MTCL3: variants seen among roughly 807,000 people sequenced by gnomAD.
MTCL3 encodes MTCL family member 3, also known as microtubule cross-linking factor 3.
chr6:127,479,047 G>A, the MTCL3 span, among the ~76,000 whole-genome samples: 3 of 151,534 alleles, frequency 2.0e-5, no homozygotes, highest in African/African-American at 7.3e-5. Flanking sequence ...AAAGAGAAAG[G>A]GGGAGACAGG....
At chr6:127,488,193 A>C in the MTCL3 span, among the ~76,000 whole-genome samples, 1 of 152,022 alleles carries the variant, frequency 6.6e-6, no homozygotes, top group Non-Finnish European at 1.5e-5. Flanking sequence ...ACATTCTTCC[A>C]TCATATACTC....
At chr6:127,506,704 C>A in the MTCL3 span, among the ~76,000 whole-genome samples, 4 of 152,232 alleles carry the variant, frequency 2.6e-5, no homozygotes, top group Non-Finnish European at 5.9e-5. Context: ...CCTCAGCCTC[C>A]CGAGTAGCTG....
the MTCL3 span, chr6:127,475,745 C>G: frequency 6.2e-7 from 1 of 1,600,538 alleles, no homozygotes; most frequent in Non-Finnish European, 8.5e-7. This position sits in a 1 kb window ranked among gnomAD's most constrained non-coding sequence, Gnocchi z 7.3. Flanking sequence ...TCGTCGCTCT[C>G]CTTCTTGCCC....
At chr6:127,496,382 A>T in the MTCL3 span, among the ~76,000 whole-genome samples, 104 of 152,274 alleles carry the variant, frequency 6.8e-4, no homozygotes, top group African/African-American at 2.1e-3. Flanking sequence ...CATTAACCAG[A>T]ATCTGAGAAA....
At chr6:127,483,220 C>T in the MTCL3 span, among the ~76,000 whole-genome samples, 1 of 152,120 alleles carries the variant, frequency 6.6e-6, no homozygotes, top group African/African-American at 2.4e-5. Context: ...TTGAGAAATA[C>T]AGGAAACCTA....
the MTCL3 span, among the ~76,000 whole-genome samples, chr6:127,504,413 C>T: frequency 6.6e-6 from 1 of 152,266 alleles, no homozygotes; most frequent in Admixed American, 6.5e-5. Context: ...ATATATGCTT[C>T]ATAAATAGTT....
chr6:127,475,346 C>G, the MTCL3 span: 3 of 1,613,086 alleles, frequency 1.9e-6, no homozygotes, highest in Non-Finnish European at 2.5e-6. The surrounding 1 kb of genome is among the most constrained non-coding windows in gnomAD (Gnocchi z 7.3). Context: ...GACTTGGGCA[C>G]CTCGAGGCGG....
chr6:127,511,476 C>T, the MTCL3 span, among the ~76,000 whole-genome samples: 1 of 152,200 alleles, frequency 6.6e-6, no homozygotes, highest in South Asian at 2.1e-4. Context: ...CCTTAAATGG[C>T]AATGTTCTGA....
the MTCL3 span, chr6:127,476,123 T>A: frequency 1.9e-6 from 3 of 1,614,164 alleles, no homozygotes; most frequent in Middle Eastern, 1.6e-4. The surrounding 1 kb of genome is among the most constrained non-coding windows in gnomAD (Gnocchi z 4.4). Flanking sequence ...TGCTCCCTCA[T>A]GAGCGGGTTG....
At chr6:127,476,908 T>C in the MTCL3 span, among the ~76,000 whole-genome samples, 1 of 152,250 alleles carries the variant, frequency 6.6e-6, no homozygotes, top group African/African-American at 2.4e-5. This position sits in a 1 kb window ranked among gnomAD's most constrained non-coding sequence, Gnocchi z 4.4. Flanking sequence ...TTTACAAATA[T>C]GAACCTAATT....
At chr6:127,486,730 G>A in the MTCL3 span, among the ~76,000 whole-genome samples, 1 of 152,134 alleles carries the variant, frequency 6.6e-6, no homozygotes, top group Non-Finnish European at 1.5e-5. Context: ...AGAAGGCCAG[G>A]AATTAGAGAG....
the MTCL3 span, chr6:127,482,998 T>G: frequency 1.3e-6 from 2 of 1,584,400 alleles, no homozygotes; most frequent in Non-Finnish European, 1.7e-6. The surrounding 1 kb of genome is among the most constrained non-coding windows in gnomAD (Gnocchi z 4.1). Context: ...AAACAAAGCA[T>G]GAATATATTT....
the MTCL3 span, among the ~76,000 whole-genome samples, chr6:127,496,595 A>G: frequency 6.6e-6 from 1 of 152,356 alleles, no homozygotes; most frequent in Non-Finnish European, 1.5e-5. Context: ...AAATAAAAAC[A>G]TATATCCACC....
the MTCL3 span, chr6:127,475,916 C>T: frequency 6.2e-7 from 1 of 1,613,304 alleles, no homozygotes; most frequent in Non-Finnish European, 8.5e-7. This position sits in a 1 kb window ranked among gnomAD's most constrained non-coding sequence, Gnocchi z 7.3. Context: ...GCCTTCAGCT[C>T]CTCCTGCAGG....
At chr6:127,475,237 G>C in the MTCL3 span, 4 of 1,517,648 alleles carry the variant, frequency 2.6e-6, no homozygotes, top group South Asian at 5.2e-5. The surrounding 1 kb of genome is among the most constrained non-coding windows in gnomAD (Gnocchi z 7.3). Context: ...CCCCAGGGAC[G>C]CGGCTCCACG....
the MTCL3 span, among the ~76,000 whole-genome samples, chr6:127,476,971 G>A: frequency 1.6e-3 from 241 of 152,318 alleles, no homozygotes; most frequent in African/African-American, 5.7e-3. The surrounding 1 kb of genome is among the most constrained non-coding windows in gnomAD (Gnocchi z 4.4). Context: ...GTTTAAAGAT[G>A]TTCAGTAACC....
the MTCL3 span, among the ~76,000 whole-genome samples, chr6:127,478,391 A>T: frequency 0.013 from 2,053 of 152,332 alleles, 62 homozygotes; most frequent in African/African-American, 0.047. Flanking sequence ...AGTTCTTCTC[A>T]AACATTCTCA....
the MTCL3 span, among the ~76,000 whole-genome samples, chr6:127,479,015 TAAAA>T: frequency 5.7e-5 from 3 of 52,332 alleles, no homozygotes; most frequent in East Asian, 5.6e-4. Flanking sequence ...AGACTCCATC[TAAAA>T]AAAAAAAAAA....
At chr6:127,500,213 A>G in the MTCL3 span, among the ~76,000 whole-genome samples, 1 of 152,220 alleles carries the variant, frequency 6.6e-6, no homozygotes, top group South Asian at 2.1e-4. Context: ...AGAGAAAATA[A>G]TCTGACCTAC....
Sources: allele counts gnomAD v4.1 joint callset (sites outside exome capture counted in the v4.1 genomes callset), GRCh38; gene constraint gnomAD v4.1.1; non-coding constraint Gnocchi (gnomAD v3.1); transcripts MANE v1.5; gene names NCBI Gene and HGNC (gene_info 2026-07-23, HGNC 2026-07-21).